The following DOCK2 variants were observed in gnomAD, a reference collection of about 807,000 sequenced individuals.
DOCK2 encodes the protein dedicator of cytokinesis 2, also known as dedicator of cytokinesis protein 2.
Under a neutral mutation model 248.9 loss-of-function variants are expected in DOCK2, and 87 were observed. That is an observed-to-expected ratio of 0.35 (90% CI 0.29 to 0.42). The LOEUF is 0.42. DOCK2 is among the 10% of genes least tolerant of loss of function. The pLI is 1.00. For synonymous variants in DOCK2, 805 were observed against 821.6 expected, an observed-to-expected ratio of 0.98 and a Z score of 0.35; for missense variants, 1,747 against 2,300.2, an observed-to-expected ratio of 0.76 and a Z score of 4.92.
At position 169,806,214 on chromosome 5, in the gene DOCK2, C is replaced by A. The variant is rs76124992; in HGVS notation, c.2703+3008C>A. On this transcript the variant is annotated intron_variant, in intron 26 of 51. Coordinates refer to ENST00000520908, the MANE Select transcript of DOCK2 (RefSeq NM_004946.3). ...CATTGCCTGCATAGTCATATCACCT[C>A]GAGAGTTTTTTTTTTTTTTTTTTTG... Among the ~76,000 whole-genome samples the A allele has an allele frequency of 3.3e-3, 442 of 135,998 alleles. 18 individuals carry two copies. In the East Asian group the frequency reaches 0.072, roughly 22 times the overall value. 89.2% of individuals were successfully genotyped at this position (135,998 alleles called of 152,430 possible).
In DOCK2 at chr5:169,770,787, G is replaced by T. The variant is rs535828230; in HGVS notation, c.2554+9162G>T. Among the ~76,000 whole-genome samples the T allele has an allele frequency of 5.3e-5, 8 of 152,246 alleles. No individual in the cohort carries two copies. The East Asian group carries it at 1.4e-3, about 26-fold the overall frequency. ...ATCATCCATATTACTGATTGCTGGA[G>T]TTCATTGTTTTGATGACGGTAGGAA... On this transcript the variant is annotated intron_variant, in intron 25 of 51. Coordinates refer to ENST00000520908, the MANE Select transcript of DOCK2 (RefSeq NM_004946.3).
At chr5:169,811,381 G>T (rs900651714) in intron 26 of DOCK2, among the ~76,000 whole-genome samples, 3 of 152,174 alleles carry the variant, frequency 2.0e-5, no homozygotes, top group African/African-American at 7.2e-5. Flanking sequence ...GAGCAGCAGG[G>T]TTTTCTTCTA....
At chr5:169,726,060 T>C (rs1261227312) in intron 22 of DOCK2, among the ~76,000 whole-genome samples, 4 of 152,208 alleles carry the variant, frequency 2.6e-5, no homozygotes, top group Non-Finnish European at 5.9e-5. Context: ...TTTCTGGTTC[T>C]AGATCCTTGA....
At chr5:169,644,258 G>A (rs947738819) in intron 1 of DOCK2, among the ~76,000 whole-genome samples, 1 of 152,174 alleles carries the variant, frequency 6.6e-6, no homozygotes, top group Non-Finnish European at 1.5e-5. Flanking sequence ...GAACATAGCA[G>A]TTTTATGGTG....
At chr5:169,684,618 C>A (rs1484552397) in intron 8 of DOCK2, among the ~76,000 whole-genome samples, 1 of 152,188 alleles carries the variant, frequency 6.6e-6, no homozygotes. Flanking sequence ...TAACAAGATT[C>A]AGACAAGTAG....
At chr5:169,669,008 C>T (rs944523763) in intron 2 of DOCK2, among the ~76,000 whole-genome samples, 1 of 152,100 alleles carries the variant, frequency 6.6e-6, no homozygotes, top group African/African-American at 2.4e-5. Context: ...TTTCTCCTCC[C>T]AGCCAGTTGG....
intron 17 of DOCK2, among the ~76,000 whole-genome samples, chr5:169,713,667 T>C (rs919339356): frequency 5.9e-5 from 9 of 152,214 alleles, no homozygotes; most frequent in African/African-American, 2.2e-4. Context: ...TGCCATTAAA[T>C]TCCTCTTTAA....
At chr5:170,061,977 C>T (rs1238031219) in intron 44 of DOCK2, among the ~76,000 whole-genome samples, 1 of 152,136 alleles carries the variant, frequency 6.6e-6, no homozygotes, top group African/African-American at 2.4e-5. Context: ...CCAAGCTGGA[C>T]ATTGTTCTCC....
At chr5:169,929,298 T>G (rs1775626976) in intron 27 of DOCK2, among the ~76,000 whole-genome samples, 1 of 152,196 alleles carries the variant, frequency 6.6e-6, no homozygotes, top group South Asian at 2.1e-4. Context: ...CTTTCCCCAT[T>G]GACACCAACA....
At chr5:169,998,453 CAAT>C (rs1360428852) in intron 30 of DOCK2, among the ~76,000 whole-genome samples, 4 of 152,314 alleles carry the variant, frequency 2.6e-5, no homozygotes, top group South Asian at 4.1e-4. Context: ...AACTGAGTGA[CAAT>C]GAGAGCGATA....
intron 27 of DOCK2, among the ~76,000 whole-genome samples, chr5:169,907,353 G>A (rs1774340193): frequency 6.6e-6 from 1 of 152,204 alleles, no homozygotes; most frequent in African/African-American, 2.4e-5. Flanking sequence ...CTAGAAGGGA[G>A]CTCTTGGAAA....
chr5:169,926,011 A>G (rs1775430879), intron 27 of DOCK2, among the ~76,000 whole-genome samples: 1 of 152,086 alleles, frequency 6.6e-6, no homozygotes, highest in Non-Finnish European at 1.5e-5. Flanking sequence ...CCCTCATTCC[A>G]TGGCAGGATG....
At chr5:170,023,465 A>G (rs1755800315) in intron 33 of DOCK2, among the ~76,000 whole-genome samples, 2 of 152,128 alleles carry the variant, frequency 1.3e-5, no homozygotes, top group African/African-American at 4.8e-5. Flanking sequence ...TGTTGTTTGG[A>G]TTCAGATAGA....
intron 22 of DOCK2, among the ~76,000 whole-genome samples, chr5:169,742,750 C>T (rs1046550438): frequency 8.5e-5 from 13 of 152,318 alleles, no homozygotes; most frequent in African/African-American, 2.2e-4. Context: ...GCATTGTACA[C>T]AACATATGGG....
intron 27 of DOCK2, among the ~76,000 whole-genome samples, chr5:169,932,776 A>G (rs1240069189): frequency 6.6e-6 from 1 of 152,134 alleles, no homozygotes; most frequent in Non-Finnish European, 1.5e-5. Flanking sequence ...ATATACAAAC[A>G]CTCACCTATG....
At position 170,041,070 on chromosome 5, in the gene DOCK2, C is replaced by T. The variant is rs1275515082; in HGVS notation, c.3681C>T (p.Leu1227=). The T allele has an allele frequency of 6.2e-7, 1 of 1,613,938 alleles. No homozygotes were observed. The highest frequency in any genetic ancestry group is 1.7e-5 in the Admixed American group (1 of 59,996). Residue 1227 remains leucine, a synonymous_variant, in exon 37 of 52, where the codon CTC becomes CTT. Coordinates refer to ENST00000520908, the MANE Select transcript of DOCK2 (RefSeq NM_004946.3). ...CCTCAAACAGGTACCTGTACAAACTCCGCGATCTTCACCTGGACTGTGACA... is the reference window on the plus strand; with the variant it reads ...CCTCAAACAGGTACCTGTACAAACTTCGCGATCTTCACCTGGACTGTGACA... The part of the protein sequence containing the change: ...EEMYIRYLYK[L]RDLHLDCDNY...
intron 11 of DOCK2, among the ~76,000 whole-genome samples, chr5:169,699,071 C>T (rs1229318100): frequency 3.0e-5 from 4 of 134,594 alleles, no homozygotes; most frequent in Non-Finnish European, 4.7e-5. Flanking sequence ...CGTGTGATAA[C>T]GACTTAGCAG....
chr5:169,978,841 C>T (rs1000783844), intron 27 of DOCK2, among the ~76,000 whole-genome samples: 11 of 152,310 alleles, frequency 7.2e-5, no homozygotes, highest in South Asian at 2.1e-4. Flanking sequence ...TATTTTTACA[C>T]GTTTGACCTA....
intron 36 of DOCK2, among the ~76,000 whole-genome samples, chr5:170,039,309 TA>T (rs1274244751): frequency 6.6e-6 from 1 of 152,204 alleles, no homozygotes; most frequent in Admixed American, 6.5e-5. Flanking sequence ...CCCACCTGGA[TA>T]AAGCGTGCTC....
Sources: gnomAD v4.1 joint callset for allele counts (sites outside exome capture counted in the v4.1 genomes callset) on GRCh38, gnomAD v4.1.1 for gene constraint, MANE v1.5 for transcripts, NCBI Gene and HGNC (gene_info 2026-07-23, HGNC 2026-07-21) for gene names.